ZNF676: variants seen among roughly 807,000 people sequenced by gnomAD.
ZNF676 encodes zinc finger protein 676.
In ZNF676, 4 loss-of-function variants were observed where a neutral mutation model predicts 6.0. The observed-to-expected ratio is 0.67, with a 90% CI of 0.33 to 1.53. The LOEUF is 1.53. Among genes scored for constraint, ZNF676 ranks in the 40% most tolerant of loss-of-function variants. The probability of loss-of-function intolerance (pLI) is 0.06; values close to 1 mark genes in which losing one functional copy is unlikely to be tolerated. For synonymous variants in ZNF676, 198 were observed against 223.1 expected (o/e 0.89, Z 1.00); for missense variants, 644 against 679.7 (o/e 0.95, Z 0.58).
chr19:22,235,119 GGCA>G, the ZNF676 span, among the ~76,000 whole-genome samples: 1 of 84,958 alleles, frequency 1.2e-5, no homozygotes, highest in Non-Finnish European at 2.4e-5. Context: ...AAGGCAGGAA[GGCA>G]GGAAGGAAGG....
At chr19:22,215,803 C>G (rs568476123), upstream of ZNF676, 104 of 680,012 alleles carry the variant, frequency 1.5e-4, no homozygotes, top group East Asian at 1.0e-3. Flanking sequence ...CCTGTCCCCC[C>G]CCCCAGCTGC....
At chr19:22,234,590 T>G in the ZNF676 span, among the ~76,000 whole-genome samples, 2 of 152,124 alleles carry the variant, frequency 1.3e-5, no homozygotes, top group Non-Finnish European at 2.9e-5. Flanking sequence ...AAGAGTTGTC[T>G]CTCAAAAGGA....
At chr19:22,181,835 GA>G (rs2023758755) in intron 2 of ZNF676, among the ~76,000 whole-genome samples, 4 of 151,786 alleles carry the variant, frequency 2.6e-5, no homozygotes, top group Admixed American at 2.0e-4. Context: ...GAGCCACATA[GA>G]AAACAAGAAA....
At chr19:22,232,782 T>A in the ZNF676 span, among the ~76,000 whole-genome samples, 1 of 152,086 alleles carries the variant, frequency 6.6e-6, no homozygotes, top group East Asian at 1.9e-4. Context: ...GAAAAAAGTA[T>A]AAATATATAG....
chr19:22,228,821 G>C, the ZNF676 span, among the ~76,000 whole-genome samples: 1 of 152,122 alleles, frequency 6.6e-6, no homozygotes, highest in African/African-American at 2.4e-5. Context: ...CCTTTTCAAG[G>C]AGAGCTACAA....
the ZNF676 span, among the ~76,000 whole-genome samples, chr19:22,234,181 T>C: frequency 6.6e-6 from 1 of 152,322 alleles, no homozygotes; most frequent in African/African-American, 2.4e-5. Context: ...AAAGGAACTG[T>C]AGCGCCACAG....
upstream of ZNF676, among the ~76,000 whole-genome samples, chr19:22,199,375 T>G (rs1178758966): frequency 6.6e-6 from 1 of 152,202 alleles, no homozygotes; most frequent in East Asian, 1.9e-4. Context: ...TCTTTAAAAT[T>G]TACAGAGAAA....
chr19:22,188,510 G>A lies in ZNF676; in HGVS notation c.130+4506C>T, dbSNP rs370537546. ...AACATAGTATTGGAAGTTCTGGTGA[G>A]GGCAATCAGGCAAGAAAAAGAAATA... On this transcript the variant is annotated intron_variant, in intron 2 of 2. Coordinates refer to ENST00000397121, the MANE Select transcript of ZNF676 (RefSeq NM_001001411.3). Among the ~76,000 whole-genome samples, 126 of 152,242 alleles carry A rather than the reference G, an allele frequency of 8.3e-4. 1 individual carries two copies. Among genetic ancestry groups the A allele is most frequent in the African/African-American group, 2.8e-3 (115 of 41,542 alleles).
In ZNF676 at chr19:22,181,511, CTCAATA is replaced by C. The variant is rs2023751735; in HGVS notation, c.200_205del (p.Ile67_Leu68del). 6.2e-7 allele frequency: 1 copy of C among 1,612,000 alleles called. No homozygotes were observed. The highest frequency in any genetic ancestry group is 8.5e-7 in the Non-Finnish European group (1 of 1,179,282). ...CTCATGTCCACATTTGTCATATCTT[CTCAATA>C]TCATTTTTTGGAAAGAATCTTCTAT... On this transcript the variant is annotated inframe_deletion, in exon 3 of 3. Coordinates refer to ENST00000397121, the MANE Select transcript of ZNF676 (RefSeq NM_001001411.3).
At chr19:22,185,270 G>A (rs1029131610) in intron 2 of ZNF676, among the ~76,000 whole-genome samples, 2 of 152,118 alleles carry the variant, frequency 1.3e-5, no homozygotes, top group Non-Finnish European at 2.9e-5. Flanking sequence ...TCTGCAGCAG[G>A]GAGGCCTGAC....
At chr19:22,215,537 G>C in intron 1 of ZNF676, 1 of 1,430,506 alleles carries the variant, frequency 7.0e-7, no homozygotes, top group South Asian at 1.2e-5. Flanking sequence ...TTGTGGAGCT[G>C]ACTGCGGGTA....
chr19:22,236,079 C>T, the ZNF676 span, among the ~76,000 whole-genome samples: 2 of 151,706 alleles, frequency 1.3e-5, no homozygotes, highest in East Asian at 1.9e-4. Flanking sequence ...ACCACCTTTG[C>T]GTCTTTTTAG....
chr19:22,213,981 T>G (rs1000187492), intron 1 of ZNF676, among the ~76,000 whole-genome samples: 18 of 152,178 alleles, frequency 1.2e-4, no homozygotes, highest in Admixed American at 1.2e-3. Context: ...AAAAAAACAT[T>G]TACAAACAGA....
At chr19:22,189,564 A>C (rs2023877952) in intron 2 of ZNF676, among the ~76,000 whole-genome samples, 1 of 152,194 alleles carries the variant, frequency 6.6e-6, no homozygotes, top group Admixed American at 6.5e-5. Flanking sequence ...AAAAGAAACT[A>C]TCATCAGAGT....
intron 1 of ZNF676, 60 bp downstream of exon 1, chr19:22,196,540 T>C: frequency 6.2e-7 from 1 of 1,612,568 alleles, no homozygotes; most frequent in Non-Finnish European, 8.5e-7. Flanking sequence ...TCCAATAAGG[T>C]CTGCAGCAAA....
At chr19:22,202,552 A>G (rs1415588571) in intron 1 of ZNF676, among the ~76,000 whole-genome samples, 5 of 152,212 alleles carry the variant, frequency 3.3e-5, no homozygotes, top group African/African-American at 7.2e-5. Context: ...AAATACAGTT[A>G]GAAGCAAAAT....
the ZNF676 span, among the ~76,000 whole-genome samples, chr19:22,230,463 A>G: frequency 6.6e-6 from 1 of 152,002 alleles, no homozygotes; most frequent in South Asian, 2.1e-4. Flanking sequence ...AAACCTGCAC[A>G]TTCTGCACAT....
rs2023717689 is a variant in ZNF676 at position 22,180,401 on chromosome 19, T to C, written c.1316A>G (p.His439Arg). ...AFSWSSSLTE[H>R]KRIHAGEKPY... ...TTTCTCTCCAGCATGAATTCTCTTG[T>C]GTTCAGTAAGGCTTGAGGACCAGCT... Residue 439 changes from histidine (H) to arginine (R), a missense_variant, in exon 3 of 3, where the codon CAC becomes CGC. His to Arg is a conservative substitution (Grantham distance 29). Transcript: ENST00000397121. The C allele has an allele frequency of 7.4e-6, 12 of 1,613,900 alleles. No individual in the cohort carries two copies. Among genetic ancestry groups the C allele is most frequent in the Non-Finnish European group, 9.3e-6 (11 of 1,179,908 alleles).
At chr19:22,220,321 T>C (rs1432637367), upstream of ZNF676, among the ~76,000 whole-genome samples, 7 of 152,308 alleles carry the variant, frequency 4.6e-5, no homozygotes, top group East Asian at 1.4e-3. Flanking sequence ...AGAGTGATAC[T>C]GGCTTCATAG....
Sources: allele counts gnomAD v4.1 joint callset (sites outside exome capture counted in the v4.1 genomes callset), GRCh38; gene constraint gnomAD v4.1.1; transcripts MANE v1.5; gene names NCBI Gene and HGNC (gene_info 2026-07-23, HGNC 2026-07-21).